The following STXBP5L variants were observed in gnomAD, a reference collection of about 807,000 sequenced individuals.
STXBP5L encodes syntaxin binding protein 5L, also known as syntaxin-binding protein 5-like.
A neutral mutation model predicts 144.5 loss-of-function variants in STXBP5L; 65 were observed. The ratio of observed to expected loss-of-function variants is 0.45; its 90% CI spans 0.37 to 0.55. STXBP5L has a LOEUF of 0.55. STXBP5L is among the 20% of genes least tolerant of loss of function. STXBP5L has a pLI of 0.00. For synonymous variants in STXBP5L, 505 were observed against 469.6 expected (o/e 1.08, Z -0.97); for missense variants, 1,298 against 1,405.5 (o/e 0.92, Z 1.22).
At chr3:121,360,094 A>G (rs1490621441) in intron 20 of STXBP5L, among the ~76,000 whole-genome samples, 1 of 146,832 alleles carries the variant, frequency 6.8e-6, no homozygotes, top group Non-Finnish European at 1.5e-5. Context: ...TATTGGGTAC[A>G]TATGTATTTT....
At chr3:121,372,687 A>G (rs1268734798) in intron 20 of STXBP5L, among the ~76,000 whole-genome samples, 3 of 149,708 alleles carry the variant, frequency 2.0e-5, no homozygotes, top group Non-Finnish European at 3.0e-5. Context: ...TCTGCTCTCA[A>G]TGCCTTCCCT....
intron 3 of STXBP5L, among the ~76,000 whole-genome samples, chr3:120,997,768 G>A (rs756782496): frequency 4.0e-5 from 6 of 151,868 alleles, no homozygotes; most frequent in African/African-American, 4.8e-5. Flanking sequence ...TGTGTAGAGA[G>A]GCAATGAAAA....
In STXBP5L at chr3:121,240,591, T is replaced by A. The variant is rs931267235; in HGVS notation, c.1400+84T>A. The A allele has an allele frequency of 3.1e-6, 4 of 1,271,070 alleles. No individual in the cohort carries two copies. In the African/African-American group the frequency reaches 5.9e-5, roughly 19 times the overall value. 78.7% of individuals were successfully genotyped at this position (1,271,070 alleles called of 1,614,324 possible). ...TTGATACTTTTCCATAATTGTGTTC[T>A]ATGCAGAATAATAGTTTAAGTAAAA... On this transcript the variant is annotated intron_variant, in intron 14 of 26. Coordinates refer to ENST00000471454, the MANE Select transcript of STXBP5L (RefSeq NM_001308330.2).
Position 121,329,862 on chromosome 3 carries a change from C to T in STXBP5L, c.2176+11322C>T, listed in dbSNP as rs139621293. On this transcript the variant is annotated intron_variant, in intron 20 of 26. Transcript: ENST00000471454. ...GTGACACAGCAAGACCCTGTTCCCCCACATTCCTCTTGCCGAATTAAAGAA... is the reference window on the plus strand; with the variant it reads ...GTGACACAGCAAGACCCTGTTCCCCTACATTCCTCTTGCCGAATTAAAGAA... Among the ~76,000 whole-genome samples the T allele has an allele frequency of 3.2e-3, 486 of 152,190 alleles. 3 individuals are homozygous for T. Among genetic ancestry groups the T allele is most frequent in the African/African-American group, 0.011 (457 of 41,526 alleles).
At chr3:121,103,541 C>T (rs1434092326) in intron 5 of STXBP5L, among the ~76,000 whole-genome samples, 1 of 151,926 alleles carries the variant, frequency 6.6e-6, no homozygotes, top group Non-Finnish European at 1.5e-5. Flanking sequence ...TACTAGGGGG[C>T]AAGAGTTAAT....
intron 20 of STXBP5L, among the ~76,000 whole-genome samples, chr3:121,343,525 A>C (rs542365555): frequency 3.0e-4 from 45 of 152,266 alleles, no homozygotes; most frequent in Admixed American, 2.4e-3. Context: ...AAATCTCCTT[A>C]AGCTGATAAG....
At chr3:121,057,839 T>C (rs1041764027) in intron 5 of STXBP5L, among the ~76,000 whole-genome samples, 2 of 152,070 alleles carry the variant, frequency 1.3e-5, no homozygotes, top group African/African-American at 4.8e-5. Context: ...TTTATATCTC[T>C]TTTTTCTATC....
chr3:121,257,336 A>G lies in STXBP5L; in HGVS notation c.1832+3A>G. The G allele has an allele frequency of 6.3e-7, 1 of 1,593,976 alleles. No individual in the cohort carries two copies. Among genetic ancestry groups the G allele is most frequent in the Non-Finnish European group, 8.5e-7 (1 of 1,170,226 alleles). The stretch of plus-strand genomic sequence containing the variant: ...AAGGACAGTATTCCATGCCTCAAGT[A>G]AGAGTTTCTACCAAATTTTCAAACA... On this transcript the variant is annotated splice_donor_region_variant and intron_variant, in intron 17 of 26. Coordinates refer to ENST00000471454, the MANE Select transcript of STXBP5L (RefSeq NM_001308330.2).
chr3:121,247,301 T>G (rs183631632), intron 14 of STXBP5L, among the ~76,000 whole-genome samples: 48 of 152,374 alleles, frequency 3.2e-4, no homozygotes, highest in African/African-American at 1.2e-3. Context: ...CAACTTTGTT[T>G]TTATTTTTCA....
chr3:121,065,698 T>A (rs1377639933), intron 5 of STXBP5L, among the ~76,000 whole-genome samples: 1 of 152,208 alleles, frequency 6.6e-6, no homozygotes, highest in East Asian at 1.9e-4. Context: ...ACTACAGGCA[T>A]GTGCCACCAT....
chr3:121,045,444 G>T lies in STXBP5L; in HGVS notation c.379G>T (p.Val127Phe). The change falls in exon 5 of 27, where the codon GTC becomes TTC. Residue 127 changes from valine (V) to phenylalanine (F), a missense_variant. By Grantham distance (50) the Val-to-Phe change is conservative. Coordinates refer to ENST00000471454, the MANE Select transcript of STXBP5L (RefSeq NM_001308330.2). Reference sequence around the variant, plus strand: ...CTTCTTTTTGTTCTAGGGTGCCTTGGTCAGTGCAAGTTCAGATGATACACT... The same window carrying T: ...CTTCTTTTTGTTCTAGGGTGCCTTGTTCAGTGCAAGTTCAGATGATACACT... ...LQFLINEGAL[V>F]SASSDDTLHL... 6.2e-7 allele frequency: 1 copy of T among 1,609,458 alleles called. No individual in the cohort carries two copies. Among genetic ancestry groups the T allele is most frequent in the Non-Finnish European group, 8.5e-7 (1 of 1,178,000 alleles).
intron 10 of STXBP5L, among the ~76,000 whole-genome samples, chr3:121,210,635 A>G (rs1438233377): frequency 6.6e-6 from 1 of 152,186 alleles, no homozygotes; most frequent in Non-Finnish European, 1.5e-5. Flanking sequence ...ATCCAGTTTC[A>G]GGTTTCTACA....
chr3:120,920,287 G>T (rs539923892), intron 2 of STXBP5L, among the ~76,000 whole-genome samples: 1 of 151,396 alleles, frequency 6.6e-6, no homozygotes, highest in African/African-American at 2.4e-5. Context: ...TCTGCTAACA[G>T]ACTCAAATTT....
At chr3:121,012,028 A>G (rs1415095902) in intron 3 of STXBP5L, among the ~76,000 whole-genome samples, 1 of 151,816 alleles carries the variant, frequency 6.6e-6, no homozygotes, top group East Asian at 1.9e-4. Flanking sequence ...GTCTATATAG[A>G]TTTCCTTATT....
intron 3 of STXBP5L, among the ~76,000 whole-genome samples, chr3:120,966,678 A>T (rs1222769591): frequency 6.6e-6 from 1 of 152,096 alleles, no homozygotes; most frequent in Non-Finnish European, 1.5e-5. Context: ...TGGAAGCTTC[A>T]TCCCAGAGTG....
At chr3:121,284,066 C>A (rs1175720513) in intron 19 of STXBP5L, among the ~76,000 whole-genome samples, 3 of 152,072 alleles carry the variant, frequency 2.0e-5, no homozygotes, top group Non-Finnish European at 2.9e-5. Flanking sequence ...AGGTCAGGAG[C>A]AGAAGCGGGC....
At chr3:121,361,458 T>C (rs531449108) in intron 20 of STXBP5L, among the ~76,000 whole-genome samples, 83 of 152,258 alleles carry the variant, frequency 5.5e-4, no homozygotes, top group Middle Eastern at 3.4e-3. Flanking sequence ...CCAGATATTG[T>C]AGCATGCTTC....
chr3:121,004,690 T>G (rs1944113582), intron 3 of STXBP5L, among the ~76,000 whole-genome samples: 1 of 152,194 alleles, frequency 6.6e-6, no homozygotes, highest in South Asian at 2.1e-4. Flanking sequence ...TGTGGGTTTG[T>G]CATAGATAGC....
chr3:121,260,600 G>C (rs2050352720), intron 18 of STXBP5L, among the ~76,000 whole-genome samples: 1 of 152,002 alleles, frequency 6.6e-6, no homozygotes, highest in South Asian at 2.1e-4. Context: ...TATGAAGTAA[G>C]TATTAAACTA....
Sources: allele counts gnomAD v4.1 joint callset (sites outside exome capture counted in the v4.1 genomes callset), GRCh38; gene constraint gnomAD v4.1.1; transcripts MANE v1.5; gene names NCBI Gene and HGNC (gene_info 2026-07-23, HGNC 2026-07-21).